The following PRKCA variants were observed in gnomAD, a reference collection of about 807,000 sequenced individuals.
PRKCA encodes protein kinase C alpha type.
In PRKCA, 27 loss-of-function variants were observed where a neutral mutation model predicts 87.0. The observed-to-expected ratio is 0.31, with a 90% CI of 0.23 to 0.43. The LOEUF is 0.43. Ranked by LOEUF, PRKCA falls within the 20% of genes least tolerant of loss-of-function variation. The pLI, the probability that PRKCA is intolerant of heterozygous loss-of-function variation, is 1.00. For synonymous variants in PRKCA, 329 were observed against 311.1 expected (o/e 1.06, Z -0.61); for missense variants, 518 against 852.3 (o/e 0.61, Z 4.88).
At position 66,432,822 on chromosome 17, in the gene PRKCA, A is replaced by C. The variant is rs567636671; in HGVS notation, c.206-63379A>C. The stretch of plus-strand genomic sequence containing the variant: ...GACCCATCAGTACTGATAAAGCCCC[A>C]AAACCCCCACCTTTGCAGTCAGCCT... On this transcript the variant is annotated intron_variant, in intron 2 of 16. Coordinates refer to ENST00000413366, the MANE Select transcript of PRKCA (RefSeq NM_002737.3). Among the ~76,000 whole-genome samples the C allele has an allele frequency of 1.4e-4, 21 of 152,248 alleles. No homozygotes were observed. The South Asian group carries it at 3.1e-3, about 23-fold the overall frequency.
At chr17:66,615,056 T>G (rs899747400) in intron 3 of PRKCA, among the ~76,000 whole-genome samples, 4 of 152,166 alleles carry the variant, frequency 2.6e-5, no homozygotes, top group African/African-American at 9.6e-5. Context: ...AGGGCTTCCA[T>G]GCACAGTCCC....
chr17:66,351,560 A>G (rs1907749125), intron 2 of PRKCA, among the ~76,000 whole-genome samples: 1 of 152,190 alleles, frequency 6.6e-6, no homozygotes. Flanking sequence ...AACATAAAAA[A>G]TAGATTTTGA....
At chr17:66,499,693 CTCCT>C (rs1442791769) in intron 3 of PRKCA, among the ~76,000 whole-genome samples, 1 of 152,154 alleles carries the variant, frequency 6.6e-6, no homozygotes, top group Non-Finnish European at 1.5e-5. Flanking sequence ...CCATGTCCTG[CTCCT>C]AATCTTGTGT....
chr17:66,464,257 G>A (rs1244720119), intron 2 of PRKCA, among the ~76,000 whole-genome samples: 1 of 152,090 alleles, frequency 6.6e-6, no homozygotes, highest in Non-Finnish European at 1.5e-5. Flanking sequence ...TGGATGCACC[G>A]CAGTTTATCC....
intron 3 of PRKCA, among the ~76,000 whole-genome samples, chr17:66,606,512 TA>T (rs1970213579): frequency 6.6e-6 from 1 of 152,160 alleles, no homozygotes. Flanking sequence ...AAAATAATTC[TA>T]AAAGAGAGCT....
intron 2 of PRKCA, among the ~76,000 whole-genome samples, chr17:66,461,869 T>TCGAGGAGGAGACTGGGGTTCCTAACTAC (rs555316683): frequency 1.2e-4 from 16 of 135,958 alleles, no homozygotes; most frequent in African/African-American, 5.5e-4. Flanking sequence ...TTCCTAACTA[T>TCGAGGAGGAGACTGGGGTTCCTAACTAC]CGAGGAGGAG....
intron 2 of PRKCA, among the ~76,000 whole-genome samples, chr17:66,349,107 G>A (rs965729349): frequency 4.6e-5 from 7 of 152,144 alleles, no homozygotes; most frequent in Non-Finnish European, 8.8e-5. Flanking sequence ...TCTTAGCTGC[G>A]TCCATCAAGT....
chr17:66,569,538 C>G (rs1468434501), intron 3 of PRKCA, among the ~76,000 whole-genome samples: 1 of 152,118 alleles, frequency 6.6e-6, no homozygotes, highest in Non-Finnish European at 1.5e-5. Flanking sequence ...CACTGCACTC[C>G]AGCCTGAGCA....
intron 2 of PRKCA, among the ~76,000 whole-genome samples, chr17:66,373,878 T>C (rs1352157431): frequency 2.0e-5 from 3 of 152,164 alleles, no homozygotes; most frequent in Non-Finnish European, 2.9e-5. Flanking sequence ...GGTCCTCACT[T>C]GTTTAGCACC....
chr17:66,336,115 A>G (rs937112543), intron 2 of PRKCA, among the ~76,000 whole-genome samples: 2 of 151,966 alleles, frequency 1.3e-5, no homozygotes, highest in African/African-American at 2.4e-5. Flanking sequence ...TTTTTTTTCC[A>G]CTTTCATTAA....
At chr17:66,607,650 T>C (rs1970249353) in intron 3 of PRKCA, among the ~76,000 whole-genome samples, 1 of 152,174 alleles carries the variant, frequency 6.6e-6, no homozygotes, top group Non-Finnish European at 1.5e-5. Context: ...CTTGAGTGCT[T>C]ATGCTCAGAG....
chr17:66,566,480 G>GTTTTTTTTTTTTTTTTTTTTTTTTTT (rs56912157), intron 3 of PRKCA, among the ~76,000 whole-genome samples: 1 of 97,022 alleles, frequency 1.0e-5, no homozygotes, highest in African/African-American at 3.7e-5. Flanking sequence ...TTGTTTTTTG[G>GTTTTTTTTTTTTTTTTTTTTTTTTTT]TTTTTTTTTT....
chr17:66,447,011 C>G (rs965806149), intron 2 of PRKCA, among the ~76,000 whole-genome samples: 1 of 152,154 alleles, frequency 6.6e-6, no homozygotes, highest in Non-Finnish European at 1.5e-5. Context: ...TGGAGAAATT[C>G]ACTCTTGACT....
chr17:66,441,895 G>A (rs1176807228), intron 2 of PRKCA, among the ~76,000 whole-genome samples: 1 of 152,060 alleles, frequency 6.6e-6, no homozygotes, highest in African/African-American at 2.4e-5. Context: ...TTATACCACG[G>A]CATTTCACTC....
chr17:66,517,557 A>T (rs2144203944), intron 3 of PRKCA, among the ~76,000 whole-genome samples: 2 of 152,286 alleles, frequency 1.3e-5, no homozygotes, highest in East Asian at 3.9e-4. Context: ...GGCTCTCAAC[A>T]AATATTTATT....
At chr17:66,466,072 T>G (rs1478216699) in intron 2 of PRKCA, among the ~76,000 whole-genome samples, 2 of 152,336 alleles carry the variant, frequency 1.3e-5, no homozygotes, top group East Asian at 3.9e-4. Flanking sequence ...AGAAGCATTT[T>G]ACATCCAAGT....
intron 2 of PRKCA, among the ~76,000 whole-genome samples, chr17:66,479,047 C>T (rs1196194449): frequency 4.6e-5 from 7 of 152,134 alleles, no homozygotes; most frequent in African/African-American, 1.7e-4. Context: ...AACTTAACAG[C>T]TTCTTCACAG....
intron 13 of PRKCA, among the ~76,000 whole-genome samples, chr17:66,768,867 G>A (rs1440013273): frequency 1.3e-5 from 2 of 152,188 alleles, no homozygotes; most frequent in African/African-American, 4.8e-5. Flanking sequence ...ATATTGGGAG[G>A]TAAGTAGTGG....
At chr17:66,687,001 C>G (rs1234384751) in intron 5 of PRKCA, 110 bp from the exon 6 acceptor site, 14 of 1,036,458 alleles carry the variant, frequency 1.4e-5, no homozygotes, top group Admixed American at 2.3e-5. Flanking sequence ...CATCTGTCTC[C>G]TTAAACGCCA....
Sources: allele counts gnomAD v4.1 joint callset (sites outside exome capture counted in the v4.1 genomes callset), GRCh38; gene constraint gnomAD v4.1.1; transcripts MANE v1.5; gene names NCBI Gene and HGNC (gene_info 2026-07-23, HGNC 2026-07-21).